The following ARSH variants were observed in gnomAD, a reference collection of about 807,000 sequenced individuals.
The protein encoded by ARSH is arylsulfatase H.
Under a neutral mutation model 28.7 loss-of-function variants are expected in ARSH, and 32 were observed. The ratio of observed to expected loss-of-function variants is 1.11; its 90% CI spans 0.84 to 1.50. The LOEUF is 1.50. Among genes scored for constraint, ARSH ranks in the 40% most tolerant of loss-of-function variants. The pLI is 0.00. For missense variants in ARSH, 440 were observed against 452.4 expected (o/e 0.97, Z 0.25); for synonymous variants, 176 against 177.3 (o/e 0.99, Z 0.06).
chrX:3,020,226 G>T (rs1551377), intron 5 of ARSH, among the ~76,000 whole-genome samples: 1 of 91,914 alleles, frequency 1.1e-5, no homozygotes, highest in Non-Finnish European at 2.1e-5. Flanking sequence ...TGGGAGGTGG[G>T]GGTAGCAGTG....
At position 3,006,687 on chromosome X, in the gene ARSH, C is replaced by T. The variant is rs149251764; in HGVS notation, c.75C>T (p.Tyr25=). Residue 25 remains tyrosine (Y), a synonymous_variant, in exon 1 of 9, where the codon TAC becomes TAT. Coordinates refer to ENST00000381130, the MANE Select transcript of ARSH (RefSeq NM_001011719.2). ...DDLGVGDLCC[Y]GNNSVSTPNI... ...TTGGAGTGGGGGATTTGTGCTGCTA[C>T]GGTAATAACTCAGTGAGGTAAAGAT... 1.5e-4 allele frequency: 181 copies of T among 1,206,343 alleles called. No homozygotes were observed. The African/African-American group carries it at 2.2e-3, about 15-fold the overall frequency.
At position 3,006,565 on chromosome X, in the gene ARSH, C is replaced by T; in HGVS notation, c.-48C>T. 1 of 1,067,274 alleles carries T rather than the reference C, an allele frequency of 9.4e-7. No individual in the cohort carries two copies. Among genetic ancestry groups the T allele is most frequent in the South Asian group, 2.0e-5 (1 of 50,801 alleles). The allele number at this position is 1,067,274 out of a possible 1,213,427, so 88.0% of individuals were successfully genotyped here. The stretch of plus-strand genomic sequence containing the variant: ...TAAAAATGCTTTCAGGAGCTGCTGG[C>T]TGTCAGTGTCCCTGTGCTGTTTGTT... On this transcript the variant is annotated 5_prime_UTR_variant, in exon 1 of 9. Transcript: ENST00000381130.
chrX:3,006,940 T>G (rs953948532), intron 1 of ARSH, among the ~76,000 whole-genome samples: 1 of 111,266 alleles, frequency 9.0e-6, no homozygotes, highest in South Asian at 3.8e-4. Flanking sequence ...AAAATTTACA[T>G]TTAAAAATTG....
chrX:3,031,710 C>T (rs1053528752), intron 8 of ARSH, among the ~76,000 whole-genome samples: 4 of 111,500 alleles, frequency 3.6e-5, no homozygotes, highest in African/African-American at 9.8e-5. Flanking sequence ...TAAAACAGCC[C>T]CGTAAACAGC....
At position 3,015,324 on chromosome X, in the gene ARSH, T is replaced by C. The variant is rs12837493; in HGVS notation, c.695T>C (p.Ile232Thr). 8.3e-7 allele frequency: 1 copy of C among 1,210,214 alleles called. No individual in the cohort carries two copies. Among genetic ancestry groups the C allele is most frequent in the South Asian group, 1.8e-5 (1 of 56,806 alleles). Residue 232 changes from isoleucine to threonine, a missense_variant, in exon 4 of 9, where the codon ATC becomes ACC. Ile to Thr is a moderately conservative substitution (Grantham distance 89). Transcript: ENST00000381130. ...ATCCTTATGAGGAACCATGAAATTA[T>C]CCAGCAGCCAATGAAAGAGGAGAAA... The part of the protein sequence containing the change: ...NCILMRNHEI[I>T]QQPMKEEKVA...
At chrX:3,016,001 T>G (rs2147455330) in intron 4 of ARSH, among the ~76,000 whole-genome samples, 1 of 108,568 alleles carries the variant, frequency 9.2e-6, no homozygotes, top group African/African-American at 3.3e-5. Context: ...TTTAATGTTT[T>G]AATTTTTTTT....
Position 3,029,301 on chromosome X carries a change from C to T in ARSH, c.1254C>T (p.Ser418=), listed in dbSNP as rs753683099. The change falls in exon 8 of 9, where the codon TCC becomes TCT. Residue 418 remains serine, a synonymous_variant. Transcript: ENST00000381130. ...MPLLEGRASH[S]DHEFLFHYCG... is the part of the protein sequence containing the mutation. ...TGCTGGAAGGAAGGGCGTCCCACTC[C>T]GACCACGAGTTCCTCTTCCACTACT... is the stretch of plus-strand genomic sequence containing the variant. 1.3e-5 allele frequency: 16 copies of T among 1,208,125 alleles called. No homozygotes were observed. The highest frequency in any genetic ancestry group is 3.5e-5 in the African/African-American group (2 of 56,713).
intron 5 of ARSH, among the ~76,000 whole-genome samples, chrX:3,020,558 C>T (rs1211662485): frequency 1.2e-5 from 1 of 84,154 alleles, no homozygotes; most frequent in South Asian, 6.9e-4. Flanking sequence ...CACTGCACTC[C>T]AGCCTGGGCG....
chrX:3,021,023 G>A (rs1412891457), intron 5 of ARSH, among the ~76,000 whole-genome samples: 2 of 110,832 alleles, frequency 1.8e-5, no homozygotes, highest in Admixed American at 1.9e-4. Flanking sequence ...TACACACATA[G>A]CACTGTATGT....
intron 5 of ARSH, among the ~76,000 whole-genome samples, chrX:3,020,414 C>A (rs1276990548): frequency 9.4e-6 from 1 of 106,341 alleles, no homozygotes; most frequent in Non-Finnish European, 1.9e-5. Flanking sequence ...ACGGTGAAAC[C>A]CCGTCTCTAC....
In ARSH at chrX:3,027,293, G is replaced by T. The variant is rs192477293; in HGVS notation, c.1037-20G>T. ...TGGGTTTTAACTCATCTTTGGTTGT[G>T]TCGTAATCTTTGGTTTTAGGTGGCA... is the stretch of plus-strand genomic sequence containing the variant. On this transcript the variant is annotated intron_variant, in intron 6 of 8. Transcript: ENST00000381130. The T allele has an allele frequency of 1.6e-3, 1,970 of 1,206,927 alleles. No homozygotes were observed. The highest frequency in any genetic ancestry group is 2.1e-3 in the Non-Finnish European group (1,866 of 893,870).
chrX:3,029,126 T>G, intron 7 of ARSH, 121 bp from the exon 8 acceptor site: 1 of 700,236 alleles, frequency 1.4e-6, no homozygotes, highest in Non-Finnish European at 2.0e-6. Flanking sequence ...ATCTTTCGCC[T>G]CCTTCTCTTC....
chrX:3,018,649 G>A lies in ARSH; in HGVS notation c.880G>A (p.Glu294Lys). 4 of 1,210,549 alleles carry A rather than the reference G, an allele frequency of 3.3e-6. No homozygotes were observed. Among genetic ancestry groups the A allele is most frequent in the Non-Finnish European group, 4.5e-6 (4 of 894,881 alleles). ...SKYGRYGDNVEEMDWMVGKIL... is the reference protein window; with the variant it reads ...SKYGRYGDNVKEMDWMVGKIL... The stretch of plus-strand genomic sequence containing the variant: ...ATATGGCAGGTATGGGGACAATGTA[G>A]AAGAAATGGATTGGATGGTGGGTAA... Residue 294 changes from glutamate (E) to lysine (K), a missense_variant, in exon 5 of 9, where the codon GAA (glutamate) becomes AAA (lysine). Transcript: ENST00000381130.
chrX:3,007,050 T>C (rs1424648334), intron 1 of ARSH, among the ~76,000 whole-genome samples: 1 of 109,199 alleles, frequency 9.2e-6, no homozygotes, highest in East Asian at 2.9e-4. Context: ...GCGATCAGCC[T>C]GGGCAACACA....
chrX:3,023,549 T>C (rs909250186), intron 5 of ARSH, among the ~76,000 whole-genome samples: 3 of 107,107 alleles, frequency 2.8e-5, no homozygotes, highest in Non-Finnish European at 3.8e-5. Flanking sequence ...TATGGTATAA[T>C]AATACATAGT....
intron 1 of ARSH, among the ~76,000 whole-genome samples, chrX:3,008,641 C>A (rs2147451106): frequency 9.1e-6 from 1 of 109,895 alleles, no homozygotes; most frequent in African/African-American, 3.3e-5. Flanking sequence ...CCTTGACCTC[C>A]CAGGCTCAAG....
At chrX:3,029,068 A>C (rs1178761366) in intron 7 of ARSH, among the ~76,000 whole-genome samples, 179 bp from the exon 8 acceptor site, 4 of 95,021 alleles carry the variant, frequency 4.2e-5, no homozygotes, top group African/African-American at 1.2e-4. Context: ...ACAGAGCAAG[A>C]CTCCATTTCA....
chrX:3,013,997 C>T (rs1422618833), intron 3 of ARSH, among the ~76,000 whole-genome samples: 1 of 111,691 alleles, frequency 9.0e-6, no homozygotes, highest in Non-Finnish European at 1.9e-5. Context: ...TAGCTGGGCA[C>T]AGTGGCTCAG....
chrX:3,022,222 A>C (rs1383115888), intron 5 of ARSH, among the ~76,000 whole-genome samples: 2 of 111,407 alleles, frequency 1.8e-5, no homozygotes, highest in Non-Finnish European at 3.8e-5. Context: ...TGCAGCTACT[A>C]TATTTGCACA....
Sources: allele counts gnomAD v4.1 joint callset (sites outside exome capture counted in the v4.1 genomes callset), GRCh38; gene constraint gnomAD v4.1.1; transcripts MANE v1.5; gene names NCBI Gene and HGNC (gene_info 2026-07-23, HGNC 2026-07-21).